Variants in DNAH17 observed in about 807,000 individuals in gnomAD.
DNAH17 encodes axonemal beta dynein heavy chain 17.
In DNAH17, 376 loss-of-function variants were observed where a neutral mutation model predicts 485.6. The observed-to-expected ratio is 0.77, with a 90% CI of 0.71 to 0.84. DNAH17 has a LOEUF of 0.84. DNAH17 is among the 40% of genes least tolerant of loss of function. DNAH17 has a pLI of 0.00. For missense variants in DNAH17, 6,370 were observed against 5,839.3 expected (o/e 1.09, Z -2.96); for synonymous variants, 3,031 against 2,405.9 (o/e 1.26, Z -7.60).
intron 55 of DNAH17, among the ~76,000 whole-genome samples, chr17:78,467,344 G>C (rs185080644): frequency 6.6e-5 from 10 of 152,154 alleles, no homozygotes; most frequent in South Asian, 2.1e-4. Context: ...GTCCCCTTTC[G>C]TGGCATAGGT....
chr17:78,455,815 C>G lies in DNAH17; in HGVS notation c.9999G>C (p.Ser3333=). The G allele has an allele frequency of 6.2e-7, 1 of 1,604,774 alleles. No individual in the cohort carries two copies. Among genetic ancestry groups the G allele is most frequent in the Non-Finnish European group, 8.5e-7 (1 of 1,175,816 alleles). The change falls in exon 63 of 81, where the codon TCG becomes TCC. Residue 3333 remains serine, a synonymous_variant. Transcript: ENST00000389840. ...CAGACTCAGCCCAGCGGATGTTTTC[C>G]GATGCTAATCCCCCGACCAGCCTAA... ...LANRLVGGLA[S]ENIRWAESVE... is the part of the protein sequence containing the mutation.
At chr17:78,518,950 C>G (rs2090860917) in intron 25 of DNAH17, among the ~76,000 whole-genome samples, 1 of 151,968 alleles carries the variant, frequency 6.6e-6, no homozygotes, top group African/African-American at 2.4e-5. Flanking sequence ...GGGCTGATCA[C>G]AAGGTCAGGA....
At position 78,572,853 on chromosome 17, in the gene DNAH17, T is replaced by C. The variant is rs779658387; in HGVS notation, c.387A>G (p.Gly129=). 8 of 1,613,926 alleles carry C rather than the reference T, an allele frequency of 5.0e-6. No homozygotes were observed. Among genetic ancestry groups the C allele is most frequent in the Non-Finnish European group, 6.8e-6 (8 of 1,179,852 alleles). Residue 129 remains glycine, a synonymous_variant, in exon 3 of 81, where the codon GGA becomes GGG. Coordinates refer to ENST00000389840, the MANE Select transcript of DNAH17 (RefSeq NM_173628.4). ...TGTCTTCCGAGACCACCTGGGGCCA[T>C]CCAGCCATGTTCTCACTTTGGTTTA... ...SLLNQSENMA[G]WPQVVSEDIV... is the part of the protein sequence containing the mutation.
At position 78,485,625 on chromosome 17, in the gene DNAH17, C is replaced by T; in HGVS notation, c.7408G>A (p.Glu2470Lys). 1.2e-6 allele frequency: 2 copies of T among 1,613,938 alleles called. No individual in the cohort carries two copies. Among genetic ancestry groups the T allele is most frequent in the Non-Finnish European group, 8.5e-7 (1 of 1,179,866 alleles). ...AGGTAGTTGTCCGTGTTCAGGCTTT[C>T]CAGCTTGTCCCCCATCAGCACCGAC... The part of the protein sequence containing the change: ...GKSVLMGDKL[E>K]SLNTDNYLVQ... Residue 2470 changes from glutamate (E) to lysine (K), a missense_variant, in exon 47 of 81, where the codon GAA becomes AAA. Glu to Lys is a moderately conservative substitution (Grantham distance 56). Coordinates refer to ENST00000389840, the MANE Select transcript of DNAH17 (RefSeq NM_173628.4).
At chr17:78,565,211 G>C (rs1568263920) in intron 11 of DNAH17, among the ~76,000 whole-genome samples, 1 of 152,204 alleles carries the variant, frequency 6.6e-6, no homozygotes, top group Admixed American at 6.5e-5. Flanking sequence ...TATCTATTGA[G>C]ATGGTATAAA....
intron 26 of DNAH17, among the ~76,000 whole-genome samples, chr17:78,511,292 G>A (rs2090630225): frequency 6.6e-6 from 1 of 152,112 alleles, no homozygotes; most frequent in African/African-American, 2.4e-5. Flanking sequence ...ATTTTTAGTA[G>A]AGACGGGGTT....
intron 30 of DNAH17, 110 bp downstream of exon 30, chr17:78,506,610 G>A (rs549209293): frequency 6.7e-7 from 1 of 1,494,600 alleles, no homozygotes; most frequent in East Asian, 2.3e-5. Context: ...GAGATGATGG[G>A]GCACGTCCAA....
chr17:78,432,470 C>T (rs1340273522), intron 75 of DNAH17, among the ~76,000 whole-genome samples: 1 of 152,254 alleles, frequency 6.6e-6, no homozygotes, highest in Admixed American at 6.5e-5. Flanking sequence ...GAGCCAAGTC[C>T]CGGCCCAGTT....
At chr17:78,450,518 G>A in intron 67 of DNAH17, 124 bp from the exon 68 acceptor site, 1 of 1,454,898 alleles carries the variant, frequency 6.9e-7, no homozygotes, top group Non-Finnish European at 9.3e-7. Flanking sequence ...AGCAGCAGCT[G>A]GGTGCAGGAT....
At chr17:78,462,394 A>T (rs1299387348) in intron 57 of DNAH17, among the ~76,000 whole-genome samples, 1 of 152,120 alleles carries the variant, frequency 6.6e-6, no homozygotes, top group Non-Finnish European at 1.5e-5. Flanking sequence ...GGCAATAAAG[A>T]TGAAGGAGCC....
chr17:78,435,185 G>A (rs1245587098), intron 74 of DNAH17, among the ~76,000 whole-genome samples: 1 of 152,164 alleles, frequency 6.6e-6, no homozygotes, highest in Non-Finnish European at 1.5e-5. Flanking sequence ...CAGTGAACAC[G>A]TGGAGAGCCA....
chr17:78,468,160 T>TAAA (rs34926462), intron 55 of DNAH17, among the ~76,000 whole-genome samples: 3 of 150,398 alleles, frequency 2.0e-5, no homozygotes, highest in African/African-American at 7.3e-5. Context: ...TGAAAATTGT[T>TAAA]AAAAAAAAAT....
Position 78,468,806 on chromosome 17 carries a change from C to T in DNAH17, c.8589G>A (p.Val2863=). 1 of 1,614,050 alleles carries T rather than the reference C, an allele frequency of 6.2e-7. No individual in the cohort carries two copies. Among genetic ancestry groups the T allele is most frequent in the Non-Finnish European group, 8.5e-7 (1 of 1,179,912 alleles). The change falls in exon 55 of 81, where the codon GTG becomes GTA. Residue 2863 remains valine (V), a synonymous_variant. Transcript: ENST00000389840. ...PSVFLMTDSQ[V]AEEQFLVLIN... ...TCAGCACCAGAAACTGCTCCTCGGCCACCTGGGAGTCTGTCATCAGGAACA... is the reference window on the plus strand; with the variant it reads ...TCAGCACCAGAAACTGCTCCTCGGCTACCTGGGAGTCTGTCATCAGGAACA...
Position 78,543,962 on chromosome 17 carries a change from G to A in DNAH17, c.2427C>T (p.Asp809=), listed in dbSNP as rs556147981. 8.7e-6 allele frequency: 14 copies of A among 1,614,008 alleles called. No homozygotes were observed. The highest frequency in any genetic ancestry group is 1.6e-4 in the Middle Eastern group (1 of 6,062). ...AGTCTAACAGGGCCTCTTTCTTATT[G>A]TCCTTTCTTTCAAACAGCGGGTTGG... The part of the protein sequence containing the change: ...WSANPLFERK[D]NKKEALLDLD... The change falls in exon 17 of 81, where the codon GAC becomes GAT. Residue 809 remains aspartate, a synonymous_variant. Coordinates refer to ENST00000389840, the MANE Select transcript of DNAH17 (RefSeq NM_173628.4).
Position 78,572,722 on chromosome 17 carries a change from C to A in DNAH17, c.518G>T (p.Gly173Val). Residue 173 changes from glycine to valine, a missense_variant, in exon 3 of 81, where the codon GGC (glycine) becomes GTC (valine). Physicochemically the swap from Gly to Val is moderately radical, Grantham distance 109 (BLOSUM62 -3). Coordinates refer to ENST00000389840, the MANE Select transcript of DNAH17 (RefSeq NM_173628.4). ...ACACCTCTCCATGGACTCCAGCGTG[C>A]CATCCAGGCTGCCCAGGTGCTCCGG... ...PIPEHLGSLD[G>V]TLESMERIPS... is the part of the protein sequence containing the mutation. 1 of 1,608,912 alleles carries A rather than the reference C, an allele frequency of 6.2e-7. No homozygotes were observed. Among genetic ancestry groups the A allele is most frequent in the Non-Finnish European group, 8.5e-7 (1 of 1,177,882 alleles).
rs140459448 is a variant in DNAH17 at position 78,428,608 on chromosome 17, C to T, written c.12505G>A (p.Glu4169Lys). Reference protein sequence around the residue: ...AEIGFLTVTSEKLFRTVLEMQ... With the variant: ...AEIGFLTVTSKKLFRTVLEMQ... The stretch of plus-strand genomic sequence containing the variant: ...TCCAGGACAGTGCGGAACAGCTTCT[C>T]TGAGGTGACCGTCAGAAAGCCAATC... The change falls in exon 77 of 81, where the codon GAG (glutamate) becomes AAG (lysine). Residue 4169 changes from glutamate to lysine, a missense_variant. Coordinates refer to ENST00000389840, the MANE Select transcript of DNAH17 (RefSeq NM_173628.4). 2 of 1,613,992 alleles carry T rather than the reference C, an allele frequency of 1.2e-6. No homozygotes were observed. The highest frequency in any genetic ancestry group is 1.7e-6 in the Non-Finnish European group (2 of 1,179,898).
At chr17:78,478,032 TCA>T (rs2089139599) in intron 51 of DNAH17, among the ~76,000 whole-genome samples, 1 of 108,374 alleles carries the variant, frequency 9.2e-6, no homozygotes, top group Admixed American at 9.4e-5. Context: ...ACCACCACCA[TCA>T]CACCACCATC....
chr17:78,515,919 A>T lies in DNAH17; in HGVS notation c.3865-897T>A, dbSNP rs144381030. 1.1e-4 allele frequency among the ~76,000 whole-genome samples: 16 copies of T among 152,084 alleles called. No homozygotes were observed. The East Asian group carries it at 3.1e-3, about 29-fold the overall frequency. On this transcript the variant is annotated intron_variant, in intron 25 of 80. Transcript: ENST00000389840. The stretch of plus-strand genomic sequence containing the variant: ...AGACAACAGAAGAAACTTCACTCAC[A>T]ACAATATGAAACAAAATATACAAAC...
At chr17:78,456,284 G>A (rs1568076979) in intron 62 of DNAH17, among the ~76,000 whole-genome samples, 1 of 152,126 alleles carries the variant, frequency 6.6e-6, no homozygotes, top group Non-Finnish European at 1.5e-5. Flanking sequence ...GGGTAACAGA[G>A]CAAGACTTCA....
Sources: allele counts gnomAD v4.1 joint callset (sites outside exome capture counted in the v4.1 genomes callset), GRCh38; gene constraint gnomAD v4.1.1; transcripts MANE v1.5; gene names NCBI Gene and HGNC (gene_info 2026-07-23, HGNC 2026-07-21).